BIRC6: variants seen among roughly 807,000 people sequenced by gnomAD.
The protein encoded by BIRC6 is baculoviral IAP repeat containing 6, also known as dual E2 ubiquitin-conjugating enzyme/E3 ubiquitin-protein ligase BIRC6.
A neutral mutation model predicts 503.3 loss-of-function variants in BIRC6; 98 were observed. That is an observed-to-expected ratio of 0.19 (90% CI 0.17 to 0.23). The LOEUF is 0.23. Among genes scored for constraint, BIRC6 ranks in the 10% least tolerant of loss-of-function variants. The pLI, the probability that BIRC6 is intolerant of heterozygous loss-of-function variation, is 1.00. For missense variants in BIRC6, 5,360 were observed against 5,806.0 expected (o/e 0.92, Z 2.50); for synonymous variants, 2,240 against 2,078.7 (o/e 1.08, Z -2.11).
intron 3 of BIRC6, among the ~76,000 whole-genome samples, chr2:32,386,372 G>C (rs1402038117): frequency 6.6e-6 from 1 of 151,818 alleles, no homozygotes; most frequent in African/African-American, 2.4e-5. Flanking sequence ...CATTCTTCAA[G>C]ATTCATTTAC....
rs560251664 is a variant in BIRC6 at position 32,480,621 on chromosome 2, C to CTTTTTTTTTTTTTTTTTTTTTTTT, written c.7409-685_7409-662dup. Among the ~76,000 whole-genome samples the CTTTTTTTTTTTTTTTTTTTTTTTT allele has an allele frequency of 1.3e-4, 8 of 60,740 alleles. 1 individual carries two copies. Among genetic ancestry groups the CTTTTTTTTTTTTTTTTTTTTTTTT allele is most frequent in the African/African-American group, 2.9e-4 (4 of 13,992 alleles). The allele number at this position is 60,740 out of a possible 152,430, so 39.8% of individuals were successfully genotyped here. On this transcript the variant is annotated intron_variant, in intron 37 of 73. Coordinates refer to ENST00000421745, the MANE Select transcript of BIRC6 (RefSeq NM_016252.4). Reference sequence around the variant, plus strand: ...CATAACAGAAAAATAAGGTAAATGGCTTTTTTTTTTTTTTTTTTTTTTTTT... The same window carrying CTTTTTTTTTTTTTTTTTTTTTTTT: ...CATAACAGAAAAATAAGGTAAATGGCTTTTTTTTTTTTTTTTTTTTTTTTTTTTTTTTTTTTTTTTTTTTTTTTT...
At chr2:32,386,256 T>C (rs1400227376) in intron 3 of BIRC6, among the ~76,000 whole-genome samples, 2 of 152,170 alleles carry the variant, frequency 1.3e-5, no homozygotes, top group African/African-American at 4.8e-5. Context: ...GAACTGTAAC[T>C]ACCTACCAGA....
At chr2:32,442,544 T>G (rs1452276791) in intron 19 of BIRC6, 89 bp downstream of exon 19, 1 of 1,322,500 alleles carries the variant, frequency 7.6e-7, no homozygotes, top group Non-Finnish European at 1.0e-6. Context: ...ATTTGATCCT[T>G]GTTTAATGTA....
At chr2:32,559,974 C>G (rs1178950482) in intron 65 of BIRC6, among the ~76,000 whole-genome samples, 1 of 152,046 alleles carries the variant, frequency 6.6e-6, no homozygotes. Context: ...CGAGATCACG[C>G]CACTGCACTC....
chr2:32,504,458 G>A (rs1416534186), intron 49 of BIRC6, among the ~76,000 whole-genome samples: 1 of 151,804 alleles, frequency 6.6e-6, no homozygotes, highest in East Asian at 1.9e-4. Context: ...ATGAGGTCAG[G>A]AGATCGAGAC....
chr2:32,586,301 C>T (rs999385686), intron 66 of BIRC6, among the ~76,000 whole-genome samples: 2 of 151,500 alleles, frequency 1.3e-5, no homozygotes, highest in Non-Finnish European at 2.9e-5. Flanking sequence ...AGTGTTTCTG[C>T]CTCAGAAGCA....
At chr2:32,502,931 A>G (rs745624053) in intron 48 of BIRC6, 40 bp downstream of exon 48, 3 of 1,547,212 alleles carry the variant, frequency 1.9e-6, no homozygotes, top group Non-Finnish European at 2.6e-6. Context: ...AAGTGTAGTT[A>G]TGTGATAGTA....
rs1343727013 is a variant in BIRC6, at chr2:32,357,130, G to T, written c.-32G>T. On this transcript the variant is annotated 5_prime_UTR_variant, in exon 1 of 74. Coordinates refer to ENST00000421745, the MANE Select transcript of BIRC6 (RefSeq NM_016252.4). The surrounding 1 kb of genome is among the most constrained non-coding windows in gnomAD (Gnocchi z 4.9). The stretch of plus-strand genomic sequence containing the variant: ...GTGCGGGCGCCTGACTTCACTTCCG[G>T]CTAACGCGCTCGGCTTGCCCCCTGG... 3.4e-6 allele frequency: 5 copies of T among 1,453,812 alleles called. No homozygotes were observed. Among genetic ancestry groups the T allele is most frequent in the Non-Finnish European group, 3.6e-6 (4 of 1,116,630 alleles). The allele number at this position is 1,453,812 out of a possible 1,614,324, so 90.1% of individuals were successfully genotyped here. A position where few individuals can be genotyped will look rare whatever the true frequency, so the allele number is the denominator to read the frequency against.
At chr2:32,557,437 T>C (rs1407351111) in intron 65 of BIRC6, 3 of 152,218 alleles carry the variant, frequency 2.0e-5, no homozygotes, top group Non-Finnish European at 2.9e-5. Flanking sequence ...AAATCTTGTA[T>C]GTTTTGGAGT....
intron 61 of BIRC6, among the ~76,000 whole-genome samples, chr2:32,532,545 T>C (rs1317975974): frequency 6.6e-6 from 1 of 152,194 alleles, no homozygotes; most frequent in Non-Finnish European, 1.5e-5. Flanking sequence ...TCTCCTCATC[T>C]TAACTTGATT....
In BIRC6 at chr2:32,463,382, G is replaced by A; in HGVS notation, c.4941+1G>A. ...GCAGCTTTTGAAGCTTCAGCAACAGGTTGGAGACTATTTGGCTCTTTGTTC... is the reference window on the plus strand; with the variant it reads ...GCAGCTTTTGAAGCTTCAGCAACAGATTGGAGACTATTTGGCTCTTTGTTC... On this transcript the variant is annotated splice_donor_variant, in intron 24 of 73. Coordinates refer to ENST00000421745, the MANE Select transcript of BIRC6 (RefSeq NM_016252.4). LOFTEE classifies it high-confidence loss of function. The A allele has an allele frequency of 6.2e-7, 1 of 1,605,776 alleles. No homozygotes were observed.
At chr2:32,525,773 C>G in intron 59 of BIRC6, 145 bp downstream of exon 59, 1 of 746,282 alleles carries the variant, frequency 1.3e-6, no homozygotes, top group South Asian at 2.0e-5. Context: ...TACAGTTCCT[C>G]CGAAGAGAAG....
At chr2:32,487,949 CA>C in intron 41 of BIRC6, 148 bp downstream of exon 41, 1 of 670,642 alleles carries the variant, frequency 1.5e-6, no homozygotes, top group Non-Finnish European at 2.5e-6. Flanking sequence ...CTTTGATTAC[CA>C]AAGTAATCAC....
Position 32,430,854 on chromosome 2 carries a change from CT to C in BIRC6, c.3023-10del, listed in dbSNP as rs753903792. On this transcript the variant is annotated splice_polypyrimidine_tract_variant and intron_variant, in intron 11 of 73. Transcript: ENST00000421745. ...ACACCTATTTCAAATACTGCTCTCA[CT>C]AATGTTAAGGAGTTGATTTATTGGT... 17 of 835,090 alleles carry C rather than the reference CT, an allele frequency of 2.0e-5. No homozygotes were observed. The highest frequency in any genetic ancestry group is 3.1e-5 in the Non-Finnish European group (16 of 520,900). 51.7% of individuals were successfully genotyped at this position (835,090 alleles called of 1,614,324 possible).
intron 16 of BIRC6, among the ~76,000 whole-genome samples, chr2:32,440,103 C>G (rs1364658031): frequency 1.3e-5 from 2 of 152,158 alleles, no homozygotes; most frequent in Non-Finnish European, 2.9e-5. Flanking sequence ...GGTCTCAACT[C>G]CTAACCTCAG....
At chr2:32,561,562 A>C (rs1024789591) in intron 65 of BIRC6, among the ~76,000 whole-genome samples, 11 of 151,888 alleles carry the variant, frequency 7.2e-5, no homozygotes, top group African/African-American at 2.7e-4. Flanking sequence ...CTTTCTAATT[A>C]GTATTCATTA....
Position 32,525,451 on chromosome 2 carries a change from C to G in BIRC6, c.11756-13C>G. The G allele has an allele frequency of 1.9e-6, 3 of 1,613,804 alleles. No homozygotes were observed. The highest frequency in any genetic ancestry group is 1.7e-6 in the Non-Finnish European group (2 of 1,179,768). On this transcript the variant is annotated splice_polypyrimidine_tract_variant and intron_variant, in intron 58 of 73. Coordinates refer to ENST00000421745, the MANE Select transcript of BIRC6 (RefSeq NM_016252.4). Reference sequence around the variant, plus strand: ...GTTGACTATGTAGAATCTTACTGATCCTTTTCTTTTAGGGCTGAAGTCTCA... The same window carrying G: ...GTTGACTATGTAGAATCTTACTGATGCTTTTCTTTTAGGGCTGAAGTCTCA...
chr2:32,494,077 T>G (rs562393070), intron 45 of BIRC6, among the ~76,000 whole-genome samples: 4 of 152,216 alleles, frequency 2.6e-5, no homozygotes, highest in East Asian at 3.9e-4. Context: ...CTAAATAAAT[T>G]TATTAACAAA....
Position 32,515,569 on chromosome 2 carries a change from G to A in BIRC6, c.11148G>A (p.Leu3716=). ...TCAATCCACTATGGACAGCACTTCT[G>A]TTTTTATTGTGTCACTCTGGGTCCA... ...SEVNPLWTAL[L]FLLCHSGSTS... Residue 3716 remains leucine, a synonymous_variant, in exon 55 of 74, where the codon CTG becomes CTA. Coordinates refer to ENST00000421745, the MANE Select transcript of BIRC6 (RefSeq NM_016252.4). 1.2e-6 allele frequency: 2 copies of A among 1,613,912 alleles called. No individual in the cohort carries two copies. Among genetic ancestry groups the A allele is most frequent in the South Asian group, 1.1e-5 (1 of 91,090 alleles).
Sources: allele counts gnomAD v4.1 joint callset (sites outside exome capture counted in the v4.1 genomes callset), GRCh38; gene constraint gnomAD v4.1.1; non-coding constraint Gnocchi (gnomAD v3.1); transcripts MANE v1.5; gene names NCBI Gene and HGNC (gene_info 2026-07-23, HGNC 2026-07-21).